The following RSPH3 variants were observed in gnomAD, a reference collection of about 807,000 sequenced individuals.
The protein encoded by RSPH3 is radial spoke head 3, also known as radial spoke head protein 3 homolog.
A neutral mutation model predicts 43.8 loss-of-function variants in RSPH3; 21 were observed. The ratio of observed to expected loss-of-function variants is 0.48; its 90% confidence interval spans 0.34 to 0.69. RSPH3 has a LOEUF of 0.69. RSPH3 is among the 30% of genes least tolerant of loss of function. The probability of loss-of-function intolerance (pLI) is 0.01; values close to 1 mark genes in which losing one functional copy is unlikely to be tolerated. For missense variants in RSPH3, 487 were observed against 516.0 expected, an observed-to-expected ratio of 0.94 and a Z score of 0.54; for synonymous variants, 173 against 179.8, an observed-to-expected ratio of 0.96 and a Z score of 0.30.
chr6:158,979,411 G>A (rs1373534247), intron 6 of RSPH3, among the ~76,000 whole-genome samples: 1 of 152,142 alleles, frequency 6.6e-6, no homozygotes, highest in Non-Finnish European at 1.5e-5. Context: ...AACAGTTAGA[G>A]TCCAAGCTAG....
Position 158,979,372 on chromosome 6 carries a change from T to C in RSPH3, c.860-1026A>G, listed in dbSNP as rs528568994. On this transcript the variant is annotated intron_variant, in intron 6 of 7. Transcript: ENST00000367069. ...AACTTACTTTTTTGGTAATCTGTGA[T>C]AGAAAAAAGGCTACTGGTCTCTCTG... Among the ~76,000 whole-genome samples, 3 of 152,244 alleles carry C rather than the reference T, an allele frequency of 2.0e-5. No individual in the cohort carries two copies. The East Asian group carries it at 5.8e-4, about 29-fold the overall frequency.
chr6:158,997,358 G>A (rs1778628125), intron 1 of RSPH3, among the ~76,000 whole-genome samples: 1 of 145,844 alleles, frequency 6.9e-6, no homozygotes, highest in South Asian at 2.2e-4. Flanking sequence ...TGCAACCTCC[G>A]CCTTCTGGGT....
rs755403479 is a variant in RSPH3 at position 158,999,479 on chromosome 6, T to C, written c.72A>G (p.Ala24=). The part of the protein sequence containing the change: ...STYTYTSRPR[A]LPCQRSRYRD... ...GGTAACGGCTGCGCTGGCAGGGCAG[T>C]GCTCGGGGCCGGCTGGTGTAGGTGT... The change falls in exon 1 of 8, where the codon GCA becomes GCG. Residue 24 remains alanine (A), a synonymous_variant. Transcript: ENST00000367069. 3.4e-5 allele frequency: 52 copies of C among 1,524,098 alleles called. No homozygotes were observed. The highest frequency in any genetic ancestry group is 4.2e-5 in the Non-Finnish European group (48 of 1,136,190). The allele number at this position is 1,524,098 out of a possible 1,614,324, so 94.4% of individuals were successfully genotyped here. A position where few individuals can be genotyped will look rare whatever the true frequency, so the allele number is the denominator to read the frequency against.
chr6:158,997,558 A>G lies in RSPH3; in HGVS notation c.116+1877T>C, dbSNP rs570973407. Among the ~76,000 whole-genome samples, 11 of 152,298 alleles carry G rather than the reference A, an allele frequency of 7.2e-5. No homozygotes were observed. The East Asian group carries it at 1.9e-3, about 27-fold the overall frequency. On this transcript the variant is annotated intron_variant, in intron 1 of 7. Coordinates refer to ENST00000367069, the MANE Select transcript of RSPH3 (RefSeq NM_031924.8). ...TTTATCCATTAGGATATCAATGATT[A>G]TGATTTGTAAGATAATACTTCCTCA... is the stretch of plus-strand genomic sequence containing the variant.
chr6:158,983,865 A>T, intron 3 of RSPH3, 58 bp from the exon 4 acceptor site: 1 of 1,232,902 alleles, frequency 8.1e-7, no homozygotes, highest in Non-Finnish European at 1.2e-6. Flanking sequence ...CAGGCATGGT[A>T]GTTCATGCCC....
Position 158,980,886 on chromosome 6 carries a change from T to A in RSPH3, c.747A>T (p.Thr249=). ...ATGCTCGGGCGGCGATTTTTTGTGATGTCTCGTTGTGCTTGTGCATTATTT... is the reference window on the plus strand; with the variant it reads ...ATGCTCGGGCGGCGATTTTTTGTGAAGTCTCGTTGTGCTTGTGCATTATTT... ...QWEIMHKHNE[T]SQKIAARAFA... The change falls in exon 6 of 8, where the codon ACA becomes ACT. Residue 249 remains threonine (T), a synonymous_variant. Coordinates refer to ENST00000367069, the MANE Select transcript of RSPH3 (RefSeq NM_031924.8). 3 of 1,614,188 alleles carry A rather than the reference T, an allele frequency of 1.9e-6. No homozygotes were observed. Among genetic ancestry groups the A allele is most frequent in the Non-Finnish European group, 2.5e-6 (3 of 1,180,024 alleles).
chr6:158,972,583 G>A (rs1209873956), downstream of RSPH3, among the ~76,000 whole-genome samples: 1 of 152,152 alleles, frequency 6.6e-6, no homozygotes, highest in African/African-American at 2.4e-5. Flanking sequence ...CTGACACCTA[G>A]TGGTTATAAT....
rs1481665252 is a variant in RSPH3 at position 158,975,040 on chromosome 6, C to G, written c.*2498G>C. 6.6e-6 allele frequency: 1 copy of G among 152,110 alleles called. No individual in the cohort carries two copies. Among genetic ancestry groups the G allele is most frequent in the Non-Finnish European group, 1.5e-5 (1 of 68,078 alleles). 9.4% of individuals were successfully genotyped at this position (152,110 alleles called of 1,614,324 possible). On this transcript the variant is annotated 3_prime_UTR_variant, in exon 8 of 8. Coordinates refer to ENST00000367069, the MANE Select transcript of RSPH3 (RefSeq NM_031924.8). ...ATTTTTAGTAGAGACGGGGTTTCAC[C>G]ATGTTGGCCAGGATGGTCTTGATCT... is the stretch of plus-strand genomic sequence containing the variant.
chr6:158,998,297 CAA>C (rs71297000), intron 1 of RSPH3, among the ~76,000 whole-genome samples: 2,466 of 53,906 alleles, frequency 0.046, 75 homozygotes, highest in African/African-American at 0.15. Flanking sequence ...TAAAAAAATA[CAA>C]AAAAAAAAAA....
chr6:158,999,071 C>T (rs983360052), intron 1 of RSPH3, among the ~76,000 whole-genome samples: 1 of 152,238 alleles, frequency 6.6e-6, no homozygotes, highest in Admixed American at 6.5e-5. Context: ...AAATCAACTT[C>T]ACAGCACTGT....
chr6:158,977,797 T>C lies in RSPH3; in HGVS notation c.998A>G (p.Glu333Gly). ...EKRLCMYEHG[E>G]DTHQSPEPED... The stretch of plus-strand genomic sequence containing the variant: ...GGGTTCTGGAGACTGATGTGTGTCT[T>C]CCCCATGCTCATACATACACAGCCT... Residue 333 changes from glutamate (E) to glycine (G), a missense_variant, in exon 8 of 8, where the codon GAA becomes GGA. Glu to Gly is a moderately conservative substitution (Grantham distance 98). Transcript: ENST00000367069. 1 of 1,614,086 alleles carries C rather than the reference T, an allele frequency of 6.2e-7. No individual in the cohort carries two copies. Among genetic ancestry groups the C allele is most frequent in the East Asian group, 2.2e-5 (1 of 44,882 alleles).
chr6:158,993,061 T>C (rs576043830), intron 2 of RSPH3, among the ~76,000 whole-genome samples: 1 of 152,246 alleles, frequency 6.6e-6, no homozygotes, highest in Non-Finnish European at 1.5e-5. Context: ...GTACAGAAAT[T>C]GAGAGTAAAG....
chr6:158,999,013 T>C (rs922943855), intron 1 of RSPH3, among the ~76,000 whole-genome samples: 1 of 152,210 alleles, frequency 6.6e-6, no homozygotes, highest in Non-Finnish European at 1.5e-5. Context: ...TATGCTACTG[T>C]TGGATATCTT....
chr6:158,998,670 ACGTGGCAAAACCCTGTCT>A (rs1297977886), intron 1 of RSPH3, among the ~76,000 whole-genome samples: 1 of 151,356 alleles, frequency 6.6e-6, no homozygotes, highest in African/African-American at 2.4e-5. Flanking sequence ...AGCCTGGCCA[ACGTGGCAAAACCCTGTCT>A]CTACTAAAAA....
chr6:158,980,748 T>G, intron 6 of RSPH3, 26 bp downstream of exon 6: 1 of 1,582,948 alleles, frequency 6.3e-7, no homozygotes, highest in Non-Finnish European at 8.7e-7. Flanking sequence ...TACAACAAAA[T>G]TAATCTAACA....
At chr6:158,998,297 C>CAAAAAAAAAAAAA (rs71297000) in intron 1 of RSPH3, among the ~76,000 whole-genome samples, 38 of 53,900 alleles carry the variant, frequency 7.1e-4, no homozygotes, top group East Asian at 1.8e-3. Flanking sequence ...TAAAAAAATA[C>CAAAAAAAAAAAAA]AAAAAAAAAA....
At chr6:158,994,378 T>G (rs768460739) in intron 1 of RSPH3, among the ~76,000 whole-genome samples, 22 of 152,232 alleles carry the variant, frequency 1.4e-4, no homozygotes, top group Non-Finnish European at 1.6e-4. Flanking sequence ...GCTTAAAAAT[T>G]AAGTCAATTT....
intron 1 of RSPH3, among the ~76,000 whole-genome samples, chr6:158,994,961 A>G (rs924134351): frequency 9.2e-5 from 14 of 151,936 alleles, no homozygotes; most frequent in Admixed American, 8.5e-4. Context: ...TCCTTCACTG[A>G]AGCATTCTCT....
At position 158,978,397 on chromosome 6, in the gene RSPH3, G is replaced by A. The variant is rs143837909; in HGVS notation, c.860-51C>T. 2.1e-4 allele frequency: 193 copies of A among 903,620 alleles called. No homozygotes were observed. The African/African-American group carries it at 2.2e-3, about 10-fold the overall frequency. 56.0% of individuals were successfully genotyped at this position (903,620 alleles called of 1,614,324 possible). On this transcript the variant is annotated intron_variant, in intron 6 of 7. Coordinates refer to ENST00000367069, the MANE Select transcript of RSPH3 (RefSeq NM_031924.8). ...TCATGTATTATCAGAGGAATAATGC[G>A]CTTTTCTCTTAATGTAATAGACTCA... is the stretch of plus-strand genomic sequence containing the variant.
Sources: gnomAD v4.1 joint callset for allele counts (sites outside exome capture counted in the v4.1 genomes callset) on GRCh38, gnomAD v4.1.1 for gene constraint, MANE v1.5 for transcripts, NCBI Gene and HGNC (gene_info 2026-07-23, HGNC 2026-07-21) for gene names.